The following ZBED6 variants were observed in gnomAD, a reference collection of about 807,000 sequenced individuals.
ZBED6 encodes zinc finger BED-type containing 6.
ZBED6 carries 40 observed loss-of-function variants against 58.4 expected under a neutral mutation model. The ratio of observed to expected loss-of-function variants is 0.68; its 90% CI spans 0.53 to 0.89. The LOEUF is 0.89. Ranked by LOEUF, ZBED6 falls within the 40% of genes least tolerant of loss-of-function variation. The pLI, the probability that ZBED6 is intolerant of heterozygous loss-of-function variation, is 0.00. For synonymous variants in ZBED6, 439 were observed against 350.6 expected (o/e 1.25, Z -2.82); for missense variants, 1,057 against 1,003.9 (o/e 1.05, Z -0.71).
In ZBED6 at chr1:203,811,750, C is replaced by CT. The variant is rs201861099; in HGVS notation, c.*2555-5169dup. Among the ~76,000 whole-genome samples, 1,232 of 150,314 alleles carry CT rather than the reference C, an allele frequency of 8.2e-3. 28 individuals are homozygous for CT. Among genetic ancestry groups the CT allele is most frequent in the African/African-American group, 0.028 (1,165 of 40,986 alleles). On this transcript the variant is annotated intron_variant, in intron 1 of 16. Coordinates refer to ENST00000550078, the Ensembl canonical transcript of ZBED6. ...GTCTTGAACTCTTGACCTCAAATGA[C>CT]TTTTTTTATTATTAAACTTTTTCCT... is the stretch of plus-strand genomic sequence containing the variant.
chr1:203,831,825 G>A (rs1682482547), intron 8 of ZBED6, 54 bp downstream of exon 8: 2 of 1,422,050 alleles, frequency 1.4e-6, no homozygotes, highest in East Asian at 4.7e-5. Flanking sequence ...ATATAATTGG[G>A]AATGCAAAAT....
chr1:203,840,783 G>A (rs540471874), intron 11 of ZBED6, among the ~76,000 whole-genome samples: 15 of 151,862 alleles, frequency 9.9e-5, no homozygotes, highest in Non-Finnish European at 1.8e-4. Flanking sequence ...ACAGGCGTAC[G>A]CCACCATGCC....
intron 3 of ZBED6, among the ~76,000 whole-genome samples, chr1:203,819,273 G>A (rs915797558): frequency 1.4e-5 from 2 of 147,556 alleles, no homozygotes; most frequent in African/African-American, 5.0e-5. Flanking sequence ...CCACGCTGGA[G>A]TGCAGTGGCG....
Position 203,818,556 on chromosome 1 carries a change from C to G in ZBED6, c.*2754-14C>G, listed in dbSNP as rs769755052. On this transcript the variant is annotated splice_polypyrimidine_tract_variant and intron_variant, in intron 2 of 16. Transcript: ENST00000550078. ...TTCAATGCTACAAATAGAGTGTTCT[C>G]TATTTGTTTACAGGGTGACAGCTGC... The G allele has an allele frequency of 5.0e-6, 8 of 1,613,678 alleles. No homozygotes were observed. The East Asian group carries it at 1.8e-4, about 36-fold the overall frequency.
At chr1:203,832,715 T>C (rs889210286) in intron 8 of ZBED6, among the ~76,000 whole-genome samples, 3 of 152,196 alleles carry the variant, frequency 2.0e-5, no homozygotes, top group Admixed American at 6.5e-5. Flanking sequence ...ATTATAGATA[T>C]AGATATATTT....
At chr1:203,810,423 G>GTTT (rs765335556) in intron 1 of ZBED6, among the ~76,000 whole-genome samples, 11,131 of 138,650 alleles carry the variant, frequency 0.08, 1,296 homozygotes, top group East Asian at 0.43. Context: ...TAGCTGTTAG[G>GTTT]TTTTTTTTTT....
intron 4 of ZBED6, 184 bp from the exon 5 acceptor site, chr1:203,829,267 G>C: frequency 1.6e-6 from 1 of 626,552 alleles, no homozygotes; most frequent in Non-Finnish European, 2.8e-6. Flanking sequence ...TGGAGAGTTA[G>C]TGGAGAGTTA....
At chr1:203,840,325 T>C in exon 11 of ZBED6, 1 of 1,613,420 alleles carries the variant, frequency 6.2e-7, no homozygotes, top group East Asian at 2.2e-5. Context: ...CCAAGTCTCT[T>C]AAGGAGCGAT....
rs146106937 is a variant in ZBED6 at position 203,815,516 on chromosome 1, G to A, written c.*2555-1410G>A. On this transcript the variant is annotated intron_variant, in intron 1 of 16. Transcript: ENST00000550078. ...TTATAGGTATGAGCCACTGCACCCG[G>A]CCTATTTCATTATTAAAACAAGATT... Among the ~76,000 whole-genome samples, 25 of 151,954 alleles carry A rather than the reference G, an allele frequency of 1.6e-4. No homozygotes were observed. In the East Asian group the frequency reaches 4.8e-3, roughly 29 times the overall value.
intron 11 of ZBED6, among the ~76,000 whole-genome samples, chr1:203,845,608 T>C (rs993132161): frequency 2.0e-5 from 3 of 152,222 alleles, no homozygotes; most frequent in Non-Finnish European, 2.9e-5. Context: ...CTCACGCCTG[T>C]AATCCCAGCA....
At chr1:203,850,831 T>TA (rs1254039998) in intron 15 of ZBED6, 150 bp downstream of exon 15, 3 of 1,248,038 alleles carry the variant, frequency 2.4e-6, no homozygotes, top group East Asian at 5.0e-5. Flanking sequence ...ATTTTATACT[T>TA]ACAGTTTGAT....
intron 1 of ZBED6, among the ~76,000 whole-genome samples, chr1:203,811,013 C>T (rs1009759410): frequency 1.4e-4 from 21 of 151,468 alleles, no homozygotes; most frequent in Non-Finnish European, 2.8e-4. Flanking sequence ...TGGTGGTAGG[C>T]GCCTGTAATC....
rs181387867 is a variant in ZBED6, at chr1:203,827,403, G to A, written c.*2874-896G>A. On this transcript the variant is annotated intron_variant, in intron 3 of 16. Transcript: ENST00000550078. ...CTTTATAAAAGTAAGGTGACTGGCC[G>A]GGTGCGGTGGCTCACACCTGTAATC... is the stretch of plus-strand genomic sequence containing the variant. 6.8e-4 allele frequency among the ~76,000 whole-genome samples: 102 copies of A among 150,416 alleles called. 3 individuals carry two copies. The East Asian group carries it at 0.018, about 27-fold the overall frequency.
intron 3 of ZBED6, among the ~76,000 whole-genome samples, chr1:203,819,062 C>T (rs1055708278): frequency 1.7e-5 from 2 of 115,450 alleles, no homozygotes; most frequent in African/African-American, 3.1e-5. Flanking sequence ...AGCAACACTC[C>T]GTCTCAAAAA....
intron 1 of ZBED6, among the ~76,000 whole-genome samples, chr1:203,811,770 T>C (rs1674567706): frequency 6.6e-6 from 1 of 151,758 alleles, no homozygotes; most frequent in Non-Finnish European, 1.5e-5. Context: ...TATTAAACTT[T>C]TTCCTTTGTT....
At chr1:203,798,658 C>A in exon 1 of ZBED6, 2 of 1,536,128 alleles carry the variant, frequency 1.3e-6, no homozygotes, top group Non-Finnish European at 1.7e-6. Flanking sequence ...GAAAACAGAT[C>A]TGAAAGTCCT....
At chr1:203,836,959 C>A (rs959393657) in intron 9 of ZBED6, among the ~76,000 whole-genome samples, 57 of 152,240 alleles carry the variant, frequency 3.7e-4, no homozygotes, top group African/African-American at 1.4e-3. Context: ...AATTCTTAAC[C>A]TGTCTTCCTC....
chr1:203,800,639 T>G, exon 1 of ZBED6: 1 of 553,622 alleles, frequency 1.8e-6, no homozygotes, highest in Non-Finnish European at 2.9e-6. Context: ...ATTAAAGATT[T>G]CATAGCTATA....
At chr1:203,806,783 T>G (rs1230482722) in intron 1 of ZBED6, among the ~76,000 whole-genome samples, 1 of 151,460 alleles carries the variant, frequency 6.6e-6, no homozygotes, top group Non-Finnish European at 1.5e-5. Context: ...AGGAAGTACC[T>G]TACAATTTAC....
Sources: gnomAD v4.1 joint callset for allele counts (sites outside exome capture counted in the v4.1 genomes callset) on GRCh38, gnomAD v4.1.1 for gene constraint, MANE v1.5 for transcripts, NCBI Gene and HGNC (gene_info 2026-07-23, HGNC 2026-07-21) for gene names.